Variants in VPS35L observed in about 807,000 individuals in gnomAD.
VPS35L encodes the protein VPS35 endosomal protein sorting factor like.
VPS35L carries 83 observed loss-of-function variants against 133.0 expected under a neutral mutation model. The observed-to-expected ratio is 0.62, with a 90% CI of 0.52 to 0.75. The LOEUF (loss-of-function observed/expected upper bound fraction) is 0.75, where lower values mean the gene tolerates loss of function less well. VPS35L is among the 30% of genes least tolerant of loss of function. The pLI, the probability that VPS35L is intolerant of heterozygous loss-of-function variation, is 0.00. For missense variants in VPS35L, 1,083 were observed against 1,206.8 expected (o/e 0.90, Z 1.52); for synonymous variants, 423 against 449.9 (o/e 0.94, Z 0.76).
chr16:19,587,912 A>G (rs562292786), intron 7 of VPS35L, among the ~76,000 whole-genome samples: 76 of 147,242 alleles, frequency 5.2e-4, no homozygotes, highest in African/African-American at 1.8e-3. Context: ...CGATTTTCAT[A>G]CCTCAGCCTC....
rs1971616105 is a variant in VPS35L, at chr16:19,578,766, G to C, written c.434-286G>C. The C allele has an allele frequency of 9.3e-6, 4 of 430,798 alleles. No individual in the cohort carries two copies. In the Admixed American group the frequency reaches 1.1e-4, roughly 12 times the overall value. 26.7% of individuals were successfully genotyped at this position (430,798 alleles called of 1,614,324 possible). ...TCCTTATCTGGACTGCCTTTCTTTAGGAATAAACAGATGATACAGAGCAAA... is the reference window on the plus strand; with the variant it reads ...TCCTTATCTGGACTGCCTTTCTTTACGAATAAACAGATGATACAGAGCAAA... On this transcript the variant is annotated intron_variant, in intron 5 of 30. Coordinates refer to ENST00000417362, the MANE Select transcript of VPS35L (RefSeq NM_020314.7).
chr16:19,660,229 A>G (rs1218051062), intron 26 of VPS35L, among the ~76,000 whole-genome samples: 1 of 151,922 alleles, frequency 6.6e-6, no homozygotes, highest in Non-Finnish European at 1.5e-5. Context: ...GGAGGCTAAC[A>G]AGGCACGAGA....
intron 28 of VPS35L, among the ~76,000 whole-genome samples, chr16:19,689,558 C>T (rs2151624735): frequency 6.6e-6 from 1 of 152,204 alleles, no homozygotes; most frequent in Non-Finnish European, 1.5e-5. Flanking sequence ...AGGTGTTAGC[C>T]ACAGTGCCCA....
intron 12 of VPS35L, among the ~76,000 whole-genome samples, chr16:19,611,372 C>T (rs1200303809): frequency 5.3e-5 from 8 of 152,144 alleles, no homozygotes; most frequent in Non-Finnish European, 1.0e-4. Flanking sequence ...CCCCTAGCAA[C>T]GAGAATCTTC....
chr16:19,662,497 A>G (rs1974520755), intron 26 of VPS35L, among the ~76,000 whole-genome samples: 1 of 152,200 alleles, frequency 6.6e-6, no homozygotes, highest in Non-Finnish European at 1.5e-5. Flanking sequence ...TAAGCCGGCA[A>G]AGTTCGCATT....
chr16:19,583,593 A>C (rs1179700104), intron 7 of VPS35L, among the ~76,000 whole-genome samples: 1 of 151,722 alleles, frequency 6.6e-6, no homozygotes, highest in Non-Finnish European at 1.5e-5. Flanking sequence ...CTCGTGGCAC[A>C]CCCCTGTAAT....
chr16:19,599,620 C>T (rs1237767897), intron 8 of VPS35L, among the ~76,000 whole-genome samples: 1 of 152,006 alleles, frequency 6.6e-6, no homozygotes, highest in East Asian at 1.9e-4. Flanking sequence ...TCTATCTCTG[C>T]CTCTCAAGTA....
chr16:19,595,589 G>C (rs1049280429), intron 8 of VPS35L, among the ~76,000 whole-genome samples: 2 of 152,124 alleles, frequency 1.3e-5, no homozygotes, highest in African/African-American at 4.8e-5. Flanking sequence ...TCCTGAGCAA[G>C]ATTAACTCTG....
chr16:19,679,734 A>T (rs1975201560), intron 27 of VPS35L, among the ~76,000 whole-genome samples: 1 of 152,078 alleles, frequency 6.6e-6, no homozygotes, highest in East Asian at 1.9e-4. Context: ...CAAACTCCTG[A>T]CCTCAAGGGA....
intron 11 of VPS35L, among the ~76,000 whole-genome samples, chr16:19,609,771 G>T (rs1324828782): frequency 6.6e-6 from 1 of 152,112 alleles, no homozygotes; most frequent in Non-Finnish European, 1.5e-5. Flanking sequence ...TAGTTTGGGG[G>T]AATAACATGG....
intron 3 of VPS35L, among the ~76,000 whole-genome samples, chr16:19,572,093 G>A (rs1313374244): frequency 6.6e-6 from 1 of 152,098 alleles, no homozygotes; most frequent in Non-Finnish European, 1.5e-5. Context: ...GTGCATGTCT[G>A]CAAGGATTTC....
intron 19 of VPS35L, among the ~76,000 whole-genome samples, chr16:19,635,781 C>G (rs542468011): frequency 5.9e-5 from 9 of 152,276 alleles, no homozygotes; most frequent in Admixed American, 5.9e-4. Context: ...GAGACAACCA[C>G]AAAGCACATT....
At chr16:19,675,115 T>C (rs1054745811) in intron 27 of VPS35L, among the ~76,000 whole-genome samples, 3 of 152,026 alleles carry the variant, frequency 2.0e-5, no homozygotes, top group African/African-American at 7.2e-5. Context: ...ACCAGGCCCA[T>C]CTAATTTTTG....
intron 7 of VPS35L, among the ~76,000 whole-genome samples, chr16:19,583,130 G>A (rs1323616440): frequency 6.9e-6 from 1 of 145,432 alleles, no homozygotes; most frequent in Non-Finnish European, 1.5e-5. Flanking sequence ...CCCATTATAA[G>A]TGTGTAATTC....
intron 2 of VPS35L, among the ~76,000 whole-genome samples, chr16:19,566,895 G>A (rs977965646): frequency 6.6e-5 from 10 of 151,986 alleles, no homozygotes; most frequent in African/African-American, 4.8e-5. Context: ...GACTACAGGC[G>A]CCCGCCACCA....
At chr16:19,671,422 T>C (rs1235249336) in intron 27 of VPS35L, among the ~76,000 whole-genome samples, 9 of 149,794 alleles carry the variant, frequency 6.0e-5, no homozygotes, top group Non-Finnish European at 1.3e-4. Context: ...TGAGCCGAGA[T>C]TGCACCACCG....
chr16:19,693,287 C>T (rs113873749), intron 29 of VPS35L, among the ~76,000 whole-genome samples: 28 of 151,040 alleles, frequency 1.9e-4, no homozygotes, highest in African/African-American at 3.7e-4. Context: ...GTGTGTGTTG[C>T]GGGGGGGCAG....
rs375518562 is a variant in VPS35L, at chr16:19,640,133, T to C, written c.1784+33T>C. On this transcript the variant is annotated intron_variant, in intron 21 of 30. Coordinates refer to ENST00000417362, the MANE Select transcript of VPS35L (RefSeq NM_020314.7). ...CCACTGCGTGCAGCAGAAGCCTTGA[T>C]TCCCAATGTCCTTGTGAAACCTGTT... The C allele has an allele frequency of 5.8e-5, 92 of 1,580,752 alleles. No homozygotes were observed. The African/African-American group carries it at 1.0e-3, about 18-fold the overall frequency.
intron 1 of VPS35L, among the ~76,000 whole-genome samples, chr16:19,558,835 A>G (rs540161235): frequency 6.6e-6 from 1 of 150,928 alleles, no homozygotes; most frequent in East Asian, 2.0e-4. Context: ...AGGCAGGAGA[A>G]TTGCTTGAAC....
Sources: allele counts gnomAD v4.1 joint callset (sites outside exome capture counted in the v4.1 genomes callset), GRCh38; gene constraint gnomAD v4.1.1; transcripts MANE v1.5; gene names NCBI Gene and HGNC (gene_info 2026-07-23, HGNC 2026-07-21).